Variants in JAZF1 observed in about 807,000 individuals in gnomAD.
JAZF1 encodes JAZF zinc finger 1, also known as juxtaposed with another zinc finger protein 1.
In JAZF1, 8 loss-of-function variants were observed where a neutral mutation model predicts 26.4. That is an observed-to-expected ratio of 0.30 (90% CI 0.18 to 0.55). The LOEUF (loss-of-function observed/expected upper bound fraction) is 0.55, where lower values mean the gene tolerates loss of function less well. Among genes scored for constraint, JAZF1 ranks in the 20% least tolerant of loss-of-function variants. The probability of loss-of-function intolerance (pLI) is 0.94; values close to 1 mark genes in which losing one functional copy is unlikely to be tolerated. For synonymous variants in JAZF1, 126 were observed against 122.3 expected, an observed-to-expected ratio of 1.03 and a Z score of -0.20; for missense variants, 199 against 322.0, an observed-to-expected ratio of 0.62 and a Z score of 2.92.
intron 2 of JAZF1, among the ~76,000 whole-genome samples, chr7:27,962,278 C>T (rs60562275): frequency 0.085 from 12,976 of 152,084 alleles, 637 homozygotes; most frequent in Middle Eastern, 0.18. Flanking sequence ...GTAGATGTGC[C>T]TTTGTTGATG....
intron 2 of JAZF1, among the ~76,000 whole-genome samples, chr7:27,936,866 A>G (rs1784769631): frequency 6.6e-6 from 1 of 152,236 alleles, no homozygotes. Flanking sequence ...CCAGCTAAAC[A>G]TATTTTTATA....
At chr7:28,088,969 C>T (rs79614890) in intron 1 of JAZF1, among the ~76,000 whole-genome samples, 5,954 of 152,228 alleles carry the variant, frequency 0.039, 308 homozygotes, top group East Asian at 0.26. Context: ...CAGCACTGCG[C>T]ATACTCATCA....
intron 3 of JAZF1, among the ~76,000 whole-genome samples, chr7:27,852,130 CTT>C (rs113021262): frequency 3.2e-5 from 4 of 125,258 alleles, no homozygotes; most frequent in African/African-American, 8.2e-5. Flanking sequence ...ATAAACAGGA[CTT>C]TTTTTTTTTT....
At chr7:27,849,257 G>C (rs1583428999) in intron 3 of JAZF1, among the ~76,000 whole-genome samples, 1 of 152,210 alleles carries the variant, frequency 6.6e-6, no homozygotes, top group African/African-American at 2.4e-5. Flanking sequence ...GTGTGAGCAG[G>C]TGGGGGCAGC....
rs1449196861 is a variant in JAZF1, at chr7:27,846,339, GTATA to G, written c.386-5476_386-5473del. On this transcript the variant is annotated intron_variant, in intron 3 of 4. Coordinates refer to ENST00000283928, the MANE Select transcript of JAZF1 (RefSeq NM_175061.4). Reference sequence around the variant, plus strand: ...TGTGTGTGTGTATACATATGTACACGTATATATACACGTATACGTGTACATATGT... The same window carrying G: ...TGTGTGTGTGTATACATATGTACACGTATACACGTATACGTGTACATATGT... Among the ~76,000 whole-genome samples, 12 of 141,836 alleles carry G rather than the reference GTATA, an allele frequency of 8.5e-5. No individual in the cohort carries two copies. In the East Asian group the frequency reaches 3.2e-3, roughly 38 times the overall value. 93.0% of individuals were successfully genotyped at this position (141,836 alleles called of 152,430 possible).
intron 1 of JAZF1, among the ~76,000 whole-genome samples, chr7:28,104,550 CAT>C (rs1278679110): frequency 6.6e-6 from 1 of 152,208 alleles, no homozygotes; most frequent in Non-Finnish European, 1.5e-5. Context: ...CTTAGATAAA[CAT>C]GTGGATAGTG....
chr7:28,059,656 C>T (rs146706932), intron 1 of JAZF1, among the ~76,000 whole-genome samples: 2 of 152,240 alleles, frequency 1.3e-5, no homozygotes, highest in African/African-American at 4.8e-5. Flanking sequence ...TTTAGAACCT[C>T]CTTTCATGAA....
intron 2 of JAZF1, among the ~76,000 whole-genome samples, chr7:27,965,859 C>A (rs1785266209): frequency 6.6e-6 from 1 of 152,160 alleles, no homozygotes; most frequent in Admixed American, 6.5e-5. Context: ...ATCTCTAGGA[C>A]AAGTCAGGCT....
intron 1 of JAZF1, among the ~76,000 whole-genome samples, chr7:28,097,989 G>T (rs1248033100): frequency 6.6e-6 from 1 of 152,112 alleles, no homozygotes; most frequent in African/African-American, 2.4e-5. Context: ...TGAAACTGAA[G>T]CACACAAAAC....
intron 3 of JAZF1, among the ~76,000 whole-genome samples, chr7:27,870,244 C>A (rs1251030079): frequency 6.6e-6 from 1 of 151,930 alleles, no homozygotes; most frequent in South Asian, 2.1e-4. Context: ...ATTTAGAAAG[C>A]CCCCATAAGC....
At chr7:27,929,337 G>A (rs781767260) in intron 2 of JAZF1, among the ~76,000 whole-genome samples, 10 of 152,144 alleles carry the variant, frequency 6.6e-5, no homozygotes, top group Non-Finnish European at 1.2e-4. Flanking sequence ...CAGAAGTGGC[G>A]GCCACCCTGA....
rs1374503564 is a variant in JAZF1, at chr7:28,083,688, C to T, written c.116-91707G>A. On this transcript the variant is annotated intron_variant, in intron 1 of 4. Coordinates refer to ENST00000283928, the MANE Select transcript of JAZF1 (RefSeq NM_175061.4). ...CTATGTCAATTAATGCTACTGCTGC[C>T]TTAACCCACAGGCCATCAGATACAT... Among the ~76,000 whole-genome samples the T allele has an allele frequency of 2.6e-5, 4 of 152,096 alleles. No homozygotes were observed. The East Asian group carries it at 5.8e-4, about 22-fold the overall frequency.
chr7:28,144,906 G>A (rs1394667499), intron 1 of JAZF1, among the ~76,000 whole-genome samples: 1 of 152,156 alleles, frequency 6.6e-6, no homozygotes, highest in Admixed American at 6.5e-5. Context: ...AAAGTAAAAT[G>A]TAAATTTTGA....
At chr7:27,865,243 G>A (rs1020164511) in intron 3 of JAZF1, among the ~76,000 whole-genome samples, 1 of 152,124 alleles carries the variant, frequency 6.6e-6, no homozygotes, top group African/African-American at 2.4e-5. Context: ...AGTAGCACAC[G>A]CTTGTGATGC....
intron 1 of JAZF1, among the ~76,000 whole-genome samples, chr7:27,996,670 C>T (rs543021093): frequency 7.2e-5 from 11 of 152,320 alleles, no homozygotes; most frequent in Non-Finnish European, 1.5e-4. Context: ...GTGGAGTTTG[C>T]TGCATCCTCC....
chr7:27,838,734 G>A (rs1035807869), intron 4 of JAZF1, among the ~76,000 whole-genome samples: 2 of 152,214 alleles, frequency 1.3e-5, no homozygotes, highest in South Asian at 2.1e-4. Flanking sequence ...GCCAGCTTTG[G>A]GATGTAGGAG....
intron 1 of JAZF1, among the ~76,000 whole-genome samples, chr7:28,025,883 G>C (rs1783085629): frequency 6.6e-6 from 1 of 152,184 alleles, no homozygotes; most frequent in Non-Finnish European, 1.5e-5. Flanking sequence ...TTATTATTCA[G>C]AGCCTTGGCA....
At chr7:27,885,442 AATG>A (rs1311645017) in intron 3 of JAZF1, among the ~76,000 whole-genome samples, 1 of 152,220 alleles carries the variant, frequency 6.6e-6, no homozygotes, top group Non-Finnish European at 1.5e-5. Context: ...CTGGCTATAA[AATG>A]ATAATCTTAA....
chr7:27,832,575 C>CT lies in JAZF1; in HGVS notation c.*224dup, dbSNP rs1782726376. 2.8e-6 allele frequency: 1 copy of CT among 353,508 alleles called. No individual in the cohort carries two copies. The highest frequency in any genetic ancestry group is 2.1e-5 in the African/African-American group (1 of 48,258). The allele number at this position is 353,508 out of a possible 1,614,324, so 21.9% of individuals were successfully genotyped here. ...ACCTAGAGCTTTTTTTGTTTAGCAC[C>CT]TTATATCAAAGTAATGAAAATGGGT... On this transcript the variant is annotated 3_prime_UTR_variant, in exon 5 of 5. Coordinates refer to ENST00000283928, the MANE Select transcript of JAZF1 (RefSeq NM_175061.4).
Sources: allele counts gnomAD v4.1 joint callset (sites outside exome capture counted in the v4.1 genomes callset), GRCh38; gene constraint gnomAD v4.1.1; transcripts MANE v1.5; gene names NCBI Gene and HGNC (gene_info 2026-07-23, HGNC 2026-07-21).